TENM1: variants seen among roughly 807,000 people sequenced by gnomAD.
The protein encoded by TENM1 is teneurin transmembrane protein 1, also known as teneurin-1.
TENM1 carries 35 observed loss-of-function variants against 174.8 expected under a neutral mutation model. That is an observed-to-expected ratio of 0.20 (90% CI 0.15 to 0.27). The LOEUF (loss-of-function observed/expected upper bound fraction) is 0.27, where lower values mean the gene tolerates loss of function less well. Among genes scored for constraint, TENM1 ranks in the 10% least tolerant of loss-of-function variants. The probability of loss-of-function intolerance (pLI) is 1.00; values close to 1 mark genes in which losing one functional copy is unlikely to be tolerated. For missense variants in TENM1, 1,633 were observed against 2,130.1 expected (o/e 0.77, Z 4.59); for synonymous variants, 781 against 798.7 (o/e 0.98, Z 0.37).
At chrX:124,824,687 T>C (rs1490357919) in intron 3 of TENM1, among the ~76,000 whole-genome samples, 1 of 112,087 alleles carries the variant, frequency 8.9e-6, no homozygotes, top group African/African-American at 3.2e-5. Flanking sequence ...AGCAGCAAAA[T>C]TGGAATCATG....
chrX:125,191,372 T>C, the TENM1 span, among the ~76,000 whole-genome samples: 1 of 111,777 alleles, frequency 8.9e-6, no homozygotes, highest in African/African-American at 3.2e-5. Flanking sequence ...ACAAAATTCA[T>C]GCCCTCAAGG....
At chrX:124,995,639 T>C in the TENM1 span, among the ~76,000 whole-genome samples, 2 of 111,419 alleles carry the variant, frequency 1.8e-5, no homozygotes, top group African/African-American at 6.5e-5. Context: ...TATGAATGCA[T>C]CAGCAATTCA....
the TENM1 span, among the ~76,000 whole-genome samples, chrX:125,191,923 G>A: frequency 4.7e-5 from 5 of 106,087 alleles, no homozygotes; most frequent in African/African-American, 1.0e-4. Flanking sequence ...AATAAGCTAG[G>A]TTTTTTTTTT....
chrX:124,533,788 A>G (rs1308022999), intron 15 of TENM1, among the ~76,000 whole-genome samples: 1 of 112,175 alleles, frequency 8.9e-6, no homozygotes, highest in Non-Finnish European at 1.9e-5. Context: ...TGTGCCCAGC[A>G]TAACTGTCGT....
chrX:125,098,864 AAATT>A, the TENM1 span, among the ~76,000 whole-genome samples: 1 of 112,402 alleles, frequency 8.9e-6, no homozygotes, highest in Non-Finnish European at 1.9e-5. Context: ...GTAAGACTAT[AAATT>A]AATTTATCCA....
intron 23 of TENM1, among the ~76,000 whole-genome samples, chrX:124,423,929 G>A (rs892066702): frequency 9.0e-6 from 1 of 111,422 alleles, no homozygotes; most frequent in Non-Finnish European, 1.9e-5. Context: ...GAGATCATAA[G>A]GGTGGGGATC....
chrX:124,911,117 T>G (rs2057829420), intron 1 of TENM1, among the ~76,000 whole-genome samples: 1 of 110,811 alleles, frequency 9.0e-6, no homozygotes, highest in Non-Finnish European at 1.9e-5. Flanking sequence ...GGCCTTACTA[T>G]GTTGCCCAGG....
intron 1 of TENM1, among the ~76,000 whole-genome samples, chrX:124,924,640 TA>T (rs1377511973): frequency 8.9e-6 from 1 of 112,070 alleles, no homozygotes; most frequent in East Asian, 2.8e-4. Context: ...AACAATTTCA[TA>T]GTGTTAATGA....
At chrX:125,135,131 T>C in the TENM1 span, among the ~76,000 whole-genome samples, 52 of 109,122 alleles carry the variant, frequency 4.8e-4, no homozygotes, top group Admixed American at 1.5e-3. Flanking sequence ...AAAATGGCCT[T>C]GGGTGTGTAT....
At chrX:124,401,533 C>G (rs1338944758) in intron 27 of TENM1, among the ~76,000 whole-genome samples, 2 of 112,248 alleles carry the variant, frequency 1.8e-5, no homozygotes, top group Non-Finnish European at 3.8e-5. Flanking sequence ...ATCAGAGAAG[C>G]TTATTCTTTG....
At chrX:124,940,345 G>A (rs2058308071) in intron 1 of TENM1, among the ~76,000 whole-genome samples, 2 of 111,851 alleles carry the variant, frequency 1.8e-5, no homozygotes, top group Admixed American at 1.9e-4. Flanking sequence ...TACTAAGCCT[G>A]TGTACATGAA....
At chrX:124,744,803 T>A (rs1056942406) in intron 3 of TENM1, among the ~76,000 whole-genome samples, 3 of 111,788 alleles carry the variant, frequency 2.7e-5, no homozygotes, top group Non-Finnish European at 5.6e-5. Flanking sequence ...TGAACATTTA[T>A]AAAGTTTTCA....
At chrX:124,382,367 A>C (rs992572536) in intron 31 of TENM1, among the ~76,000 whole-genome samples, 6 of 111,435 alleles carry the variant, frequency 5.4e-5, no homozygotes, top group African/African-American at 2.0e-4. Flanking sequence ...CTCTAGGTAG[A>C]ATCCATAATT....
chrX:124,842,909 T>G (rs928535993), intron 3 of TENM1, among the ~76,000 whole-genome samples: 5 of 111,354 alleles, frequency 4.5e-5, no homozygotes, highest in Non-Finnish European at 7.6e-5. Flanking sequence ...ACTATATTCC[T>G]CTGCATTGAA....
chrX:124,508,569 ATAGTGT>A (rs1271394208), intron 18 of TENM1, among the ~76,000 whole-genome samples: 6 of 112,247 alleles, frequency 5.3e-5, no homozygotes, highest in African/African-American at 1.9e-4. Flanking sequence ...GTTAAATATG[ATAGTGT>A]TAGAGTGAGG....
intron 5 of TENM1, among the ~76,000 whole-genome samples, chrX:124,682,051 C>T (rs2052248278): frequency 9.0e-6 from 1 of 111,686 alleles, no homozygotes; most frequent in South Asian, 3.7e-4. Flanking sequence ...CTGCCATCTT[C>T]ACACAGCTGT....
rs1424738429 is a variant in TENM1 at position 124,756,209 on chromosome X, A to G, written c.536-19012T>C. Among the ~76,000 whole-genome samples the G allele has an allele frequency of 3.4e-4, 34 of 101,180 alleles. No homozygotes were observed. In the Admixed American group the frequency reaches 3.4e-3, roughly 10 times the overall value. The allele number at this position is 101,180 out of a possible 115,157, so 87.9% of individuals were successfully genotyped here. ...GTTTCTTTTTATTTTTTTTTTCTCT[A>G]AACTTCCCTTCTCGCTTCATTTCAT... is the stretch of plus-strand genomic sequence containing the variant. On this transcript the variant is annotated intron_variant, in intron 3 of 31. Coordinates refer to ENST00000422452, the Ensembl canonical transcript of TENM1.
the TENM1 span, among the ~76,000 whole-genome samples, chrX:125,001,512 A>G: frequency 9.0e-6 from 1 of 111,637 alleles, no homozygotes; most frequent in East Asian, 2.8e-4. Flanking sequence ...ATGTACACAA[A>G]TCTAGAAAGT....
At chrX:125,038,575 C>T in the TENM1 span, among the ~76,000 whole-genome samples, 1 of 111,070 alleles carries the variant, frequency 9.0e-6, no homozygotes, top group Admixed American at 9.6e-5. Context: ...TCTCTGAGGA[C>T]CGAACAGGAG....
Sources: gnomAD v4.1 joint callset for allele counts (sites outside exome capture counted in the v4.1 genomes callset) on GRCh38, gnomAD v4.1.1 for gene constraint, MANE v1.5 for transcripts, NCBI Gene and HGNC (gene_info 2026-07-23, HGNC 2026-07-21) for gene names.